The following CSMD1 variants were observed in gnomAD, a reference collection of about 807,000 sequenced individuals.
The protein encoded by CSMD1 is CUB and sushi domain-containing protein 1.
In CSMD1, 213 loss-of-function variants were observed where a neutral mutation model predicts 417.5. The ratio of observed to expected loss-of-function variants is 0.51; its 90% CI spans 0.46 to 0.57. CSMD1 has a LOEUF of 0.57. Among genes scored for constraint, CSMD1 ranks in the 20% least tolerant of loss-of-function variants. The pLI, the probability that CSMD1 is intolerant of heterozygous loss-of-function variation, is 0.00. For synonymous variants in CSMD1, 2,862 were observed against 1,736.8 expected (o/e 1.65, Z -16.11); for missense variants, 6,923 against 4,529.7 (o/e 1.53, Z -15.17).
chr8:4,080,864 C>G (rs556630320), intron 3 of CSMD1, among the ~76,000 whole-genome samples: 1 of 152,258 alleles, frequency 6.6e-6, no homozygotes, highest in South Asian at 2.1e-4. Context: ...TTGTTTACTT[C>G]CAAAACTCTT....
At chr8:4,562,444 A>G (rs544718699) in intron 2 of CSMD1, among the ~76,000 whole-genome samples, 1 of 152,336 alleles carries the variant, frequency 6.6e-6, no homozygotes, top group South Asian at 2.1e-4. Flanking sequence ...TTGAAGTTAT[A>G]ATTCAACTCA....
At chr8:4,213,544 C>T (rs551139202) in intron 3 of CSMD1, among the ~76,000 whole-genome samples, 7 of 152,136 alleles carry the variant, frequency 4.6e-5, no homozygotes, top group Non-Finnish European at 7.3e-5. Context: ...AGACACACAA[C>T]GTCTAGAAAT....
At chr8:3,754,264 A>G (rs1797530966) in intron 5 of CSMD1, among the ~76,000 whole-genome samples, 1 of 152,164 alleles carries the variant, frequency 6.6e-6, no homozygotes, top group South Asian at 2.1e-4. Context: ...GTTTTCAAAA[A>G]TATTTGATAC....
At chr8:3,097,539 C>T (rs1815402433) in intron 46 of CSMD1, among the ~76,000 whole-genome samples, 2 of 152,174 alleles carry the variant, frequency 1.3e-5, no homozygotes, top group African/African-American at 4.8e-5. Flanking sequence ...TACGTCGTTT[C>T]TGGTGCAATC....
chr8:4,018,871 C>G (rs1405083372), intron 4 of CSMD1, among the ~76,000 whole-genome samples: 1 of 152,038 alleles, frequency 6.6e-6, no homozygotes, highest in Non-Finnish European at 1.5e-5. Flanking sequence ...CTCATCTAAA[C>G]CAGAGGGATG....
intron 5 of CSMD1, among the ~76,000 whole-genome samples, chr8:3,991,071 T>A (rs1180304942): frequency 1.3e-5 from 2 of 152,192 alleles, no homozygotes; most frequent in African/African-American, 4.8e-5. Flanking sequence ...TTCCCAGAAA[T>A]TCCTTCGCTG....
chr8:4,624,652 A>C (rs1258084092), intron 2 of CSMD1, among the ~76,000 whole-genome samples: 2 of 152,152 alleles, frequency 1.3e-5, no homozygotes, highest in African/African-American at 4.8e-5. Flanking sequence ...GTCGGTGCCC[A>C]GCAGCAGCTG....
intron 68 of CSMD1, among the ~76,000 whole-genome samples, chr8:2,945,612 C>A (rs1305070300): frequency 6.6e-6 from 1 of 152,166 alleles, no homozygotes; most frequent in Non-Finnish European, 1.5e-5. Context: ...AGAGGCACTG[C>A]AATTTCATTC....
At chr8:4,018,379 T>C (rs1398096725) in intron 4 of CSMD1, among the ~76,000 whole-genome samples, 1 of 152,182 alleles carries the variant, frequency 6.6e-6, no homozygotes, top group African/African-American at 2.4e-5. Context: ...CCATCATCTT[T>C]CTCTCTTGGC....
At chr8:4,019,031 T>C (rs1796657355) in intron 4 of CSMD1, among the ~76,000 whole-genome samples, 1 of 152,252 alleles carries the variant, frequency 6.6e-6, no homozygotes, top group African/African-American at 2.4e-5. Context: ...GTGACTAAGA[T>C]GAAATCTTTA....
At chr8:3,655,631 G>T (rs1798062691) in intron 7 of CSMD1, among the ~76,000 whole-genome samples, 2 of 149,690 alleles carry the variant, frequency 1.3e-5, no homozygotes, top group Admixed American at 6.7e-5. Context: ...AGCCAGCTGA[G>T]CCTACAAGAT....
Position 3,043,382 on chromosome 8 carries a change from T to C in CSMD1, c.7660+9080A>G, listed in dbSNP as rs147799362. On this transcript the variant is annotated intron_variant, in intron 50 of 69. Coordinates refer to ENST00000635120, the MANE Select transcript of CSMD1 (RefSeq NM_033225.6). The stretch of plus-strand genomic sequence containing the variant: ...GATTATATAGTACCATAGGTCACTA[T>C]AGCGATAGGTTTCTATGACCTATAA... Among the ~76,000 whole-genome samples, 39 of 152,266 alleles carry C rather than the reference T, an allele frequency of 2.6e-4. No individual in the cohort carries two copies. The East Asian group carries it at 4.8e-3, about 19-fold the overall frequency.
Position 3,074,666 on chromosome 8 carries a change from T to G in CSMD1, c.7474+12431A>C, listed in dbSNP as rs58112971. On this transcript the variant is annotated intron_variant, in intron 49 of 69. Transcript: ENST00000635120. ...ATGTTTCTGAATGAGTATGCATGTC[T>G]GCATTTTATCTAATAGTTAGAAACG... Among the ~76,000 whole-genome samples, 146 of 152,360 alleles carry G rather than the reference T, an allele frequency of 9.6e-4. 3 individuals carry two copies. In the East Asian group the frequency reaches 0.024, roughly 25 times the overall value.
At chr8:3,302,174 G>T (rs74631790) in intron 25 of CSMD1, among the ~76,000 whole-genome samples, 3,089 of 152,248 alleles carry the variant, frequency 0.02, 43 homozygotes, top group East Asian at 0.033. Context: ...GAAATGTGAG[G>T]AGTTGGGAAC....
At position 4,398,385 on chromosome 8, in the gene CSMD1, C is replaced by CTTTTTTTTTTTTTTTT. The variant is rs1317009143; in HGVS notation, c.415+21567_415+21568insAAAAAAAAAAAAAAAA. Among the ~76,000 whole-genome samples, 6 of 118,134 alleles carry CTTTTTTTTTTTTTTTT rather than the reference C, an allele frequency of 5.1e-5. 2 individuals carry two copies. Among genetic ancestry groups the CTTTTTTTTTTTTTTTT allele is most frequent in the Non-Finnish European group, 6.8e-5 (4 of 59,030 alleles). The allele number at this position is 118,134 out of a possible 152,430, so 77.5% of individuals were successfully genotyped here. ...CTCTTTTTAAATTGTCTTGCTGCAA[C>CTTTTTTTTTTTTTTTT]TTCTTTTTTTTTTTTTTTTTTTTGT... On this transcript the variant is annotated intron_variant, in intron 3 of 69. Transcript: ENST00000635120.
intron 1 of CSMD1, among the ~76,000 whole-genome samples, chr8:4,747,192 T>C (rs1025867588): frequency 2.6e-5 from 4 of 152,340 alleles, no homozygotes; most frequent in Non-Finnish European, 5.9e-5. Flanking sequence ...CTTGTTTTCT[T>C]GTCTCTTGGA....
At position 4,583,562 on chromosome 8, in the gene CSMD1, C is replaced by A. The variant is rs143064254; in HGVS notation, c.302+53780G>T. 3.9e-3 allele frequency among the ~76,000 whole-genome samples: 600 copies of A among 152,232 alleles called. 4 individuals carry two copies. Among genetic ancestry groups the A allele is most frequent in the Non-Finnish European group, 5.4e-3 (364 of 68,020 alleles). ...AGGTTTGTAAACACACCAATCAGCA[C>A]CCTGTATTTACCTCAAGGTTTGTGA... On this transcript the variant is annotated intron_variant, in intron 2 of 69. Coordinates refer to ENST00000635120, the MANE Select transcript of CSMD1 (RefSeq NM_033225.6).
At chr8:4,717,394 CATAT>C (rs1262049825) in intron 1 of CSMD1, among the ~76,000 whole-genome samples, 1 of 95,652 alleles carries the variant, frequency 1.0e-5, no homozygotes, top group Non-Finnish European at 2.0e-5. Context: ...CATATACATA[CATAT>C]ATACATATAT....
intron 50 of CSMD1, among the ~76,000 whole-genome samples, chr8:3,041,980 G>T (rs73488411): frequency 0.066 from 10,067 of 152,174 alleles, 1,084 homozygotes; most frequent in African/African-American, 0.23. Flanking sequence ...TTCATCTCTG[G>T]GAAACATCAG....
Sources: allele counts gnomAD v4.1 joint callset (sites outside exome capture counted in the v4.1 genomes callset), GRCh38; gene constraint gnomAD v4.1.1; transcripts MANE v1.5; gene names NCBI Gene and HGNC (gene_info 2026-07-23, HGNC 2026-07-21).